The following CLEC16A variants were observed in gnomAD, a reference collection of about 807,000 sequenced individuals.
CLEC16A encodes C-type lectin domain containing 16A.
CLEC16A carries 51 observed loss-of-function variants against 109.5 expected under a neutral mutation model. The ratio of observed to expected loss-of-function variants is 0.47; its 90% CI spans 0.37 to 0.59. The LOEUF is 0.59. CLEC16A is among the 20% of genes least tolerant of loss of function. CLEC16A has a pLI of 0.00. For synonymous variants in CLEC16A, 673 were observed against 564.2 expected, an observed-to-expected ratio of 1.19 and a Z score of -2.73; for missense variants, 1,339 against 1,394.0, an observed-to-expected ratio of 0.96 and a Z score of 0.63.
chr16:10,956,158 T>C (rs2041974512), intron 1 of CLEC16A, among the ~76,000 whole-genome samples: 1 of 152,196 alleles, frequency 6.6e-6, no homozygotes. Context: ...TGGGTACAAG[T>C]GGTTGAGGAT....
chr16:10,970,664 A>C (rs896178455), intron 4 of CLEC16A, among the ~76,000 whole-genome samples: 2 of 152,238 alleles, frequency 1.3e-5, no homozygotes, highest in African/African-American at 4.8e-5. Context: ...TTGGCCTCCC[A>C]AAGTGCTGGG....
chr16:11,100,636 A>G (rs2050862968), intron 19 of CLEC16A, among the ~76,000 whole-genome samples: 1 of 152,170 alleles, frequency 6.6e-6, no homozygotes, highest in Non-Finnish European at 1.5e-5. Flanking sequence ...CACAACCTCA[A>G]GTCAGTTACT....
At chr16:11,036,313 C>T (rs1267315231) in intron 13 of CLEC16A, among the ~76,000 whole-genome samples, 2 of 152,048 alleles carry the variant, frequency 1.3e-5, no homozygotes, top group East Asian at 1.9e-4. Context: ...CTCTCTCCCA[C>T]CCAGACCTCT....
chr16:10,981,990 C>A (rs1275768333), intron 9 of CLEC16A, among the ~76,000 whole-genome samples: 1 of 152,214 alleles, frequency 6.6e-6, no homozygotes, highest in Non-Finnish European at 1.5e-5. Flanking sequence ...TCAGTTATAG[C>A]CCAAATTGTC....
At chr16:11,139,092 C>T (rs2053703891) in intron 22 of CLEC16A, among the ~76,000 whole-genome samples, 2 of 152,070 alleles carry the variant, frequency 1.3e-5, no homozygotes, top group Admixed American at 1.3e-4. Flanking sequence ...AAGGGCATCT[C>T]GATGATCCCA....
intron 13 of CLEC16A, among the ~76,000 whole-genome samples, chr16:11,031,004 C>A (rs1417435737): frequency 6.6e-6 from 1 of 152,236 alleles, no homozygotes; most frequent in African/African-American, 2.4e-5. Flanking sequence ...ATAACAACAT[C>A]TTGGGAAGAC....
intron 19 of CLEC16A, among the ~76,000 whole-genome samples, chr16:11,064,453 T>C (rs1276381274): frequency 6.6e-6 from 1 of 152,250 alleles, no homozygotes; most frequent in Non-Finnish European, 1.5e-5. Context: ...AGAGTCTTCA[T>C]GCCTGTGAGG....
intron 22 of CLEC16A, among the ~76,000 whole-genome samples, chr16:11,132,590 A>G (rs911173733): frequency 6.6e-6 from 1 of 152,210 alleles, no homozygotes; most frequent in East Asian, 1.9e-4. Flanking sequence ...AGGAGTAAAA[A>G]GTAGGTCATG....
intron 11 of CLEC16A, among the ~76,000 whole-genome samples, chr16:11,011,074 C>G (rs2045383115): frequency 6.6e-6 from 1 of 152,192 alleles, no homozygotes; most frequent in Admixed American, 6.5e-5. Flanking sequence ...TAAGGTGTTG[C>G]CCAGTTTCTG....
intron 10 of CLEC16A, among the ~76,000 whole-genome samples, chr16:11,001,146 G>C (rs1034067856): frequency 6.6e-6 from 1 of 151,814 alleles, no homozygotes; most frequent in African/African-American, 2.4e-5. Context: ...CTGGGCTAGA[G>C]TGCAGTGGCG....
intron 23 of CLEC16A, among the ~76,000 whole-genome samples, chr16:11,167,480 G>A (rs1187978227): frequency 2.6e-5 from 4 of 152,110 alleles, no homozygotes; most frequent in East Asian, 1.9e-4. Context: ...AGGAGGACAC[G>A]GGCTACTGCA....
At chr16:10,993,201 G>A (rs922727737) in intron 10 of CLEC16A, among the ~76,000 whole-genome samples, 1 of 152,046 alleles carries the variant, frequency 6.6e-6, no homozygotes, top group African/African-American at 2.4e-5. Context: ...AACATGGTAA[G>A]ACCCTGTCTC....
chr16:11,012,323 C>T (rs528349028), intron 11 of CLEC16A, among the ~76,000 whole-genome samples: 3 of 152,238 alleles, frequency 2.0e-5, no homozygotes, highest in Middle Eastern at 3.4e-3. Context: ...GGGCCGGGCA[C>T]GGTGGCTTAC....
chr16:11,084,271 GAC>G (rs2049890260), intron 19 of CLEC16A, among the ~76,000 whole-genome samples: 1 of 151,946 alleles, frequency 6.6e-6, no homozygotes, highest in South Asian at 2.1e-4. Flanking sequence ...AATCTTCCCT[GAC>G]CACCAGATCT....
intron 12 of CLEC16A, among the ~76,000 whole-genome samples, chr16:11,022,632 G>T (rs2046177207): frequency 6.6e-6 from 1 of 152,064 alleles, no homozygotes; most frequent in Non-Finnish European, 1.5e-5. Context: ...GGGTGCAGTG[G>T]CTCATGCCTG....
At chr16:11,003,384 C>A in intron 11 of CLEC16A, 79 bp downstream of exon 11, 1 of 1,122,626 alleles carries the variant, frequency 8.9e-7, no homozygotes. Flanking sequence ...GTGCCCTCTC[C>A]ACCCAGACTT....
intron 18 of CLEC16A, among the ~76,000 whole-genome samples, chr16:11,052,766 A>T (rs569163838): frequency 6.6e-6 from 1 of 152,302 alleles, no homozygotes; most frequent in East Asian, 1.9e-4. Context: ...ACCCCCAGCC[A>T]GGGCTACAGC....
rs1352190868 is a variant in CLEC16A at position 11,174,150 on chromosome 16, CTA to C, written c.2807-4184_2807-4183del. ...TATGATCTGTCGCTGTGTTTTCCCT[CTA>C]GTCAGGAGTGGCAGGAAAGGACGCC... On this transcript the variant is annotated intron_variant, in intron 23 of 23. Coordinates refer to ENST00000409790, the MANE Select transcript of CLEC16A (RefSeq NM_015226.3). The surrounding 1 kb of genome is among the most constrained non-coding windows in gnomAD (Gnocchi z 4.7). 1 of 469,786 alleles carries C rather than the reference CTA, an allele frequency of 2.1e-6. No homozygotes were observed. Among genetic ancestry groups the C allele is most frequent in the East Asian group, 7.0e-5 (1 of 14,358 alleles). 29.1% of individuals were successfully genotyped at this position (469,786 alleles called of 1,614,324 possible).
At chr16:10,986,012 ATTTTTTTTTTTTTTT>A (rs59547466) in intron 10 of CLEC16A, among the ~76,000 whole-genome samples, 7 of 43,454 alleles carry the variant, frequency 1.6e-4, no homozygotes, top group East Asian at 7.0e-4. Flanking sequence ...GGCCTGCAGA[ATTTTTTTTTTTTTTT>A]TTTTTTTTTT....
Sources: gnomAD v4.1 joint callset for allele counts (sites outside exome capture counted in the v4.1 genomes callset) on GRCh38, gnomAD v4.1.1 for gene constraint, Gnocchi (gnomAD v3.1) non-coding constraint, MANE v1.5 for transcripts, NCBI Gene and HGNC (gene_info 2026-07-23, HGNC 2026-07-21) for gene names.